Variants in GPC4 observed in about 807,000 individuals in gnomAD.
GPC4 encodes glypican-4.
A neutral mutation model predicts 35.0 loss-of-function variants in GPC4; 10 were observed. The observed-to-expected ratio is 0.29, with a 90% CI of 0.18 to 0.48. The LOEUF is 0.48. GPC4 is among the 20% of genes least tolerant of loss of function. GPC4 has a pLI of 0.99. For missense variants in GPC4, 322 were observed against 451.3 expected (o/e 0.71, Z 2.60); for synonymous variants, 167 against 170.2 (o/e 0.98, Z 0.15).
intron 1 of GPC4, among the ~76,000 whole-genome samples, chrX:133,393,985 T>A (rs1420806346): frequency 9.0e-6 from 1 of 111,365 alleles, no homozygotes; most frequent in Non-Finnish European, 1.9e-5. Flanking sequence ...TAAAAACATA[T>A]GCACACCGGG....
At chrX:133,386,986 C>G (rs1038101388) in intron 1 of GPC4, among the ~76,000 whole-genome samples, 1 of 111,301 alleles carries the variant, frequency 9.0e-6, no homozygotes, top group Admixed American at 9.6e-5. Flanking sequence ...AAGTTTCATG[C>G]GACCTGACAT....
At chrX:133,383,644 G>C (rs1452706997) in intron 1 of GPC4, among the ~76,000 whole-genome samples, 1 of 111,085 alleles carries the variant, frequency 9.0e-6, no homozygotes. Flanking sequence ...CCAGGAGATC[G>C]AGACTAGCCT....
At chrX:133,402,930 A>C (rs2068772547) in intron 1 of GPC4, among the ~76,000 whole-genome samples, 2 of 108,329 alleles carry the variant, frequency 1.8e-5, no homozygotes, top group South Asian at 8.2e-4. Flanking sequence ...AAAAAAAAGA[A>C]AGAAAGAAAA....
Position 133,305,776 on chromosome X carries a change from C to A in GPC4, c.1151G>T (p.Arg384Leu). ...CCTTCCTGCCAAAACGCTCACCAGT[C>A]GGTCCAAACTAGTGCCAGCTGCTGT... The part of the protein sequence containing the change: ...PTTAAGTSLD[R>L]LVTDVKEKLK... The change falls in exon 6 of 9, where the codon CGA becomes CTA. Residue 384 changes from arginine to leucine, a missense_variant. Arg to Leu is a moderately radical substitution (Grantham distance 102). Around this residue, in one of 3 missense-constraint regions of GPC4, gnomAD observed 163 missense variants for 277.2 expected, o/e 0.59. Coordinates refer to ENST00000370828, the MANE Select transcript of GPC4 (RefSeq NM_001448.3). 1 of 1,211,134 alleles carries A rather than the reference C, an allele frequency of 8.3e-7. No homozygotes were observed. Among genetic ancestry groups the A allele is most frequent in the South Asian group, 1.8e-5 (1 of 56,771 alleles).
At chrX:133,395,681 TAA>T (rs1432321428) in intron 1 of GPC4, among the ~76,000 whole-genome samples, 1 of 111,492 alleles carries the variant, frequency 9.0e-6, no homozygotes, top group African/African-American at 3.3e-5. Context: ...CGAATTTTTT[TAA>T]AGTTTCAGGC....
At chrX:133,414,437 A>C in intron 1 of GPC4, 2 of 749,125 alleles carry the variant, frequency 2.7e-6, no homozygotes, top group Non-Finnish European at 3.1e-6. Context: ...CAACCCGGAA[A>C]AGGAGAAGTA....
chrX:133,413,636 C>G (rs778873070), intron 1 of GPC4, among the ~76,000 whole-genome samples: 78 of 110,687 alleles, frequency 7.0e-4, no homozygotes, highest in African/African-American at 1.4e-3. Context: ...CTCAGCCCCC[C>G]CCCCGGGCTC....
intron 7 of GPC4, among the ~76,000 whole-genome samples, chrX:133,304,135 T>C (rs1250522690): frequency 1.4e-5 from 1 of 72,507 alleles, no homozygotes; most frequent in East Asian, 4.5e-4. Flanking sequence ...CTACTAAAAA[T>C]ACAAAAAAAA....
intron 1 of GPC4, among the ~76,000 whole-genome samples, chrX:133,343,355 A>G (rs995775691): frequency 2.7e-5 from 3 of 111,657 alleles, no homozygotes; most frequent in African/African-American, 9.8e-5. Flanking sequence ...CTTCTAGTCC[A>G]TTAAGACTCT....
chrX:133,383,026 T>C (rs1441441254), intron 1 of GPC4, among the ~76,000 whole-genome samples: 2 of 111,997 alleles, frequency 1.8e-5, no homozygotes, highest in Non-Finnish European at 1.9e-5. Flanking sequence ...CCTTATCATA[T>C]GATCTAGCAA....
chrX:133,324,494 T>C lies in GPC4; in HGVS notation c.362A>G (p.Asn121Ser). ...ELLENAEKSL[N>S]DMFVKTYGHL... ...GCCATATGTCTTCACAAACATATCA[T>C]TCAGGGATTTCTCTGCATTTTCAAG... is the stretch of plus-strand genomic sequence containing the variant. The change falls in exon 3 of 9, where the codon AAT (asparagine) becomes AGT (serine). Residue 121 changes from asparagine (N) to serine (S), a missense_variant. Transcript: ENST00000370828. The C allele has an allele frequency of 8.6e-7, 1 of 1,157,057 alleles. No individual in the cohort carries two copies. The highest frequency in any genetic ancestry group is 1.2e-6 in the Non-Finnish European group (1 of 868,895).
intron 1 of GPC4, among the ~76,000 whole-genome samples, chrX:133,362,356 A>G (rs1472886216): frequency 9.0e-6 from 1 of 111,621 alleles, no homozygotes; most frequent in Non-Finnish European, 1.9e-5. Flanking sequence ...GTCACATGCC[A>G]TATCTGTGCC....
At chrX:133,303,805 T>C (rs1349748257) in intron 7 of GPC4, among the ~76,000 whole-genome samples, 2 of 109,129 alleles carry the variant, frequency 1.8e-5, no homozygotes, top group East Asian at 5.8e-4. Flanking sequence ...TGAGCCAAGG[T>C]TGCACCACTG....
chrX:133,362,924 C>CA (rs1162214584), intron 1 of GPC4, among the ~76,000 whole-genome samples: 1 of 111,548 alleles, frequency 9.0e-6, no homozygotes, highest in East Asian at 2.8e-4. Flanking sequence ...TAAATCCGGA[C>CA]AAAAAAGCCA....
intron 4 of GPC4, among the ~76,000 whole-genome samples, 198 bp from the exon 5 acceptor site, chrX:133,306,352 G>C (rs1431146611): frequency 9.0e-6 from 1 of 111,262 alleles, no homozygotes; most frequent in Admixed American, 9.5e-5. Context: ...TGTATCACTA[G>C]CTCTCTAAAG....
At chrX:133,355,158 T>C (rs2068536190) in intron 1 of GPC4, among the ~76,000 whole-genome samples, 2 of 112,147 alleles carry the variant, frequency 1.8e-5, no homozygotes, top group African/African-American at 6.5e-5. Flanking sequence ...ATTTTTTATA[T>C]ATGACAATTA....
chrX:133,364,154 A>G (rs2068580577), intron 1 of GPC4, among the ~76,000 whole-genome samples: 1 of 111,740 alleles, frequency 8.9e-6, no homozygotes, highest in African/African-American at 3.3e-5. Context: ...ACATGTCTAT[A>G]TTATTTGATT....
intron 1 of GPC4, among the ~76,000 whole-genome samples, chrX:133,354,568 A>AT (rs77166014): frequency 1.6e-4 from 15 of 95,198 alleles, no homozygotes; most frequent in East Asian, 3.2e-4. Flanking sequence ...TTATTTATTT[A>AT]TTTTTTTTTT....
chrX:133,391,815 C>T (rs1261824025), intron 1 of GPC4, among the ~76,000 whole-genome samples: 5 of 111,497 alleles, frequency 4.5e-5, no homozygotes, highest in African/African-American at 1.6e-4. Context: ...GAGTCTGGTA[C>T]AGAAAGAAGA....
Sources: gnomAD v4.1 joint callset for allele counts (sites outside exome capture counted in the v4.1 genomes callset) on GRCh38, gnomAD v4.1.1 for gene constraint, gnomAD v4.1.1 regional missense constraint, MANE v1.5 for transcripts, NCBI Gene and HGNC (gene_info 2026-07-23, HGNC 2026-07-21) for gene names.